KIAA1217: variants seen among roughly 807,000 people sequenced by gnomAD.
KIAA1217 encodes KIAA1217.
KIAA1217 carries 88 observed loss-of-function variants against 163.9 expected under a neutral mutation model. The ratio of observed to expected loss-of-function variants is 0.54; its 90% CI spans 0.45 to 0.64. The LOEUF is 0.64. Among genes scored for constraint, KIAA1217 ranks in the 30% least tolerant of loss-of-function variants. The probability of loss-of-function intolerance (pLI) is 0.00; values close to 1 mark genes in which losing one functional copy is unlikely to be tolerated. For synonymous variants in KIAA1217, 903 were observed against 923.1 expected (o/e 0.98, Z 0.39); for missense variants, 2,372 against 2,475.0 (o/e 0.96, Z 0.88).
In KIAA1217 at chr10:24,088,274, T is replaced by TATATATATATATATAC. The variant is rs1285415158; in HGVS notation, c.-171+80901_-171+80902insTATATATATATATACA. On this transcript the variant is annotated intron_variant, in intron 2 of 18. Coordinates refer to the KIAA1217 transcript ENST00000376462. Reference sequence around the variant, plus strand: ...TAATATACATATATATATATATATATACACACATATATGTGTATATATATA... The same window carrying TATATATATATATATAC: ...TAATATACATATATATATATATATATATATATATATATATACACACACATATATGTGTATATATATA... Among the ~76,000 whole-genome samples, 532 of 107,202 alleles carry TATATATATATATATAC rather than the reference T, an allele frequency of 5.0e-3. 22 individuals carry two copies. Among genetic ancestry groups the TATATATATATATATAC allele is most frequent in the African/African-American group, 0.016 (508 of 32,286 alleles). 70.3% of individuals were successfully genotyped at this position (107,202 alleles called of 152,430 possible).
intron 1 of KIAA1217, among the ~76,000 whole-genome samples, chr10:23,749,301 T>G (rs949454665): frequency 6.6e-6 from 1 of 152,238 alleles, no homozygotes; most frequent in Non-Finnish European, 1.5e-5. Context: ...TGAAATGTTT[T>G]TCTTTGGCTT....
At chr10:24,220,446 C>CTTTTTTTTTTTTT (rs530992369) in intron 2 of KIAA1217, among the ~76,000 whole-genome samples, 1 of 103,108 alleles carries the variant, frequency 9.7e-6, no homozygotes, top group African/African-American at 5.0e-5. Context: ...TTCTGCTCTT[C>CTTTTTTTTTTTTT]TTTTTTTTTT....
intron 1 of KIAA1217, among the ~76,000 whole-genome samples, chr10:23,702,498 T>C (rs1650140506): frequency 6.6e-6 from 1 of 152,142 alleles, no homozygotes; most frequent in Non-Finnish European, 1.5e-5. Context: ...GGCTGAGCAT[T>C]CAAAAATAAT....
At chr10:24,282,721 C>A (rs1429651021) in intron 2 of KIAA1217, among the ~76,000 whole-genome samples, 3 of 150,992 alleles carry the variant, frequency 2.0e-5, no homozygotes, top group Non-Finnish European at 4.4e-5. Context: ...CTGAAAGATA[C>A]TCCAGGCTCA....
At chr10:24,418,242 G>A (rs911614686) in intron 3 of KIAA1217, among the ~76,000 whole-genome samples, 1 of 152,018 alleles carries the variant, frequency 6.6e-6, no homozygotes, top group African/African-American at 2.4e-5. Context: ...ATACTGGTGT[G>A]AGCCATTGCG....
intron 2 of KIAA1217, among the ~76,000 whole-genome samples, chr10:24,227,008 T>C (rs1473673469): frequency 6.6e-6 from 1 of 152,188 alleles, no homozygotes; most frequent in Non-Finnish European, 1.5e-5. Flanking sequence ...ACTTGGTATA[T>C]AGAATCTACT....
At chr10:24,252,747 C>T (rs1321781629) in intron 2 of KIAA1217, among the ~76,000 whole-genome samples, 1 of 152,072 alleles carries the variant, frequency 6.6e-6, no homozygotes, top group African/African-American at 2.4e-5. Context: ...AGGCAAAACA[C>T]AGACACTCAC....
chr10:24,086,520 A>G (rs768798635), intron 2 of KIAA1217, among the ~76,000 whole-genome samples: 2 of 152,220 alleles, frequency 1.3e-5, no homozygotes, highest in African/African-American at 2.4e-5. Flanking sequence ...TTACTGTAAG[A>G]ATTCTGAATC....
At chr10:24,377,037 G>A (rs185526030) in intron 2 of KIAA1217, among the ~76,000 whole-genome samples, 1 of 152,130 alleles carries the variant, frequency 6.6e-6, no homozygotes, top group African/African-American at 2.4e-5. Flanking sequence ...ATTTCTATAG[G>A]GTCAATCACA....
At position 24,240,309 on chromosome 10, in the gene KIAA1217, C is replaced by T. The variant is rs372463958; in HGVS notation, c.354+20400C>T. 2.2e-4 allele frequency among the ~76,000 whole-genome samples: 34 copies of T among 152,186 alleles called. 2 individuals are homozygous for T. The highest frequency in any genetic ancestry group is 1.9e-3 in the South Asian group (9 of 4,814). On this transcript the variant is annotated intron_variant, in intron 2 of 20. Transcript: ENST00000376454. Reference sequence around the variant, plus strand: ...TGCATGGCAGCGTGTGAGGTTAAAGCGGAGTTCAGAATCATCGAAAGATAC... The same window carrying T: ...TGCATGGCAGCGTGTGAGGTTAAAGTGGAGTTCAGAATCATCGAAAGATAC...
intron 1 of KIAA1217, among the ~76,000 whole-genome samples, chr10:23,986,768 CA>C (rs1274140815): frequency 6.6e-6 from 1 of 152,196 alleles, no homozygotes; most frequent in African/African-American, 2.4e-5. Context: ...AAAATATCTA[CA>C]GACTGTTGCC....
At chr10:23,999,344 G>A (rs1181426179) in intron 1 of KIAA1217, among the ~76,000 whole-genome samples, 1 of 152,152 alleles carries the variant, frequency 6.6e-6, no homozygotes, top group Admixed American at 6.5e-5. Context: ...GTAGCTGGAG[G>A]CAGTGTTGGA....
At chr10:24,094,036 A>C (rs1451791392) in intron 2 of KIAA1217, among the ~76,000 whole-genome samples, 2 of 151,632 alleles carry the variant, frequency 1.3e-5, no homozygotes, top group Non-Finnish European at 2.9e-5. Flanking sequence ...ACATTTTCTT[A>C]ATCCAGTCTA....
At chr10:23,880,445 A>T (rs1339484827) in intron 1 of KIAA1217, among the ~76,000 whole-genome samples, 2 of 151,880 alleles carry the variant, frequency 1.3e-5, no homozygotes, top group Non-Finnish European at 1.5e-5. Flanking sequence ...GTTACCAGAG[A>T]CTGGGAAGGG....
intron 2 of KIAA1217, among the ~76,000 whole-genome samples, chr10:24,138,964 A>C (rs2063943380): frequency 6.6e-6 from 1 of 152,194 alleles, no homozygotes; most frequent in South Asian, 2.1e-4. Flanking sequence ...TAAGGAAAGA[A>C]ATATATGTAT....
chr10:24,175,422 G>A (rs1011411002), intron 2 of KIAA1217, among the ~76,000 whole-genome samples: 3 of 148,984 alleles, frequency 2.0e-5, no homozygotes, highest in East Asian at 4.0e-4. Context: ...ATGGCTGAAT[G>A]TTATTCCATG....
At chr10:23,992,363 A>G (rs1846255230) in intron 1 of KIAA1217, among the ~76,000 whole-genome samples, 1 of 152,192 alleles carries the variant, frequency 6.6e-6, no homozygotes, top group African/African-American at 2.4e-5. Flanking sequence ...TCAGTGTTTC[A>G]CGTGATGGAT....
At chr10:24,431,808 G>A (rs2059623356) in intron 3 of KIAA1217, among the ~76,000 whole-genome samples, 2 of 152,214 alleles carry the variant, frequency 1.3e-5, no homozygotes, top group South Asian at 4.1e-4. Flanking sequence ...TGAGTGCTAG[G>A]AGGCAGGGTG....
intron 1 of KIAA1217, among the ~76,000 whole-genome samples, chr10:23,738,571 A>C (rs1427825364): frequency 1.3e-5 from 2 of 151,758 alleles, no homozygotes; most frequent in African/African-American, 4.8e-5. Context: ...TGTTTAACAC[A>C]TTATTTTTTC....
Sources: allele counts gnomAD v4.1 joint callset (sites outside exome capture counted in the v4.1 genomes callset), GRCh38; gene constraint gnomAD v4.1.1; transcripts MANE v1.5; gene names NCBI Gene and HGNC (gene_info 2026-07-23, HGNC 2026-07-21).